Variants in DSG4 observed in about 807,000 individuals in gnomAD.
The protein encoded by DSG4 is desmoglein-4.
A neutral mutation model predicts 93.1 loss-of-function variants in DSG4; 87 were observed. That is an observed-to-expected ratio of 0.93 (90% CI 0.79 to 1.12). The LOEUF is 1.12. Ranked by LOEUF, DSG4 falls within the 50% of genes most tolerant of loss-of-function variation. DSG4 has a pLI of 0.00. For synonymous variants in DSG4, 432 were observed against 452.9 expected, an observed-to-expected ratio of 0.95 and a Z score of 0.59; for missense variants, 1,373 against 1,285.7, an observed-to-expected ratio of 1.07 and a Z score of -1.04.
intron 4 of DSG4, 77 bp downstream of exon 4, chr18:31,388,599 TGG>T: frequency 2.6e-6 from 4 of 1,566,794 alleles, no homozygotes; most frequent in Non-Finnish European, 3.5e-6. Context: ...CTTAAGATAA[TGG>T]ATTACTTTTG....
At chr18:31,390,550 G>C (rs1053185606) in intron 5 of DSG4, 106 bp from the exon 6 acceptor site, 6 of 1,336,652 alleles carry the variant, frequency 4.5e-6, no homozygotes, top group Middle Eastern at 2.5e-4. Context: ...AACTCAAACA[G>C]AGAGAATTCA....
chr18:31,392,447 C>T, intron 8 of DSG4, 107 bp downstream of exon 8: 2 of 1,218,944 alleles, frequency 1.6e-6, no homozygotes, highest in Admixed American at 2.0e-5. Flanking sequence ...TACTTCATAA[C>T]TTTGAATATT....
chr18:31,389,868 G>T (rs1480122552), intron 5 of DSG4, among the ~76,000 whole-genome samples: 1 of 152,090 alleles, frequency 6.6e-6, no homozygotes, highest in Non-Finnish European at 1.5e-5. Flanking sequence ...TTTTGCCTAG[G>T]AGAGCCAACA....
intron 1 of DSG4, among the ~76,000 whole-genome samples, chr18:31,381,060 G>C (rs1447153504): frequency 6.6e-6 from 1 of 152,136 alleles, no homozygotes; most frequent in Non-Finnish European, 1.5e-5. Context: ...GTCGAAACTT[G>C]TCTTGCACAT....
chr18:31,401,721 C>T (rs2072369877), intron 10 of DSG4: 2 of 152,060 alleles, frequency 1.3e-5, no homozygotes, highest in East Asian at 3.9e-4. Flanking sequence ...TAGAACCAAA[C>T]AAGAGACAAA....
intron 8 of DSG4, among the ~76,000 whole-genome samples, chr18:31,393,172 T>C (rs773645770): frequency 3.9e-5 from 6 of 152,302 alleles, no homozygotes; most frequent in Non-Finnish European, 7.4e-5. Context: ...AAACAACACT[T>C]ATAGCCAGGA....
chr18:31,402,934 A>C (rs980519220), intron 10 of DSG4, among the ~76,000 whole-genome samples: 2 of 152,224 alleles, frequency 1.3e-5, no homozygotes, highest in African/African-American at 4.8e-5. Flanking sequence ...AACAGTGAGC[A>C]CACAAGAAAA....
chr18:31,390,954 A>C, intron 6 of DSG4, 124 bp from the exon 7 acceptor site: 1 of 1,504,420 alleles, frequency 6.6e-7, no homozygotes, highest in Non-Finnish European at 9.0e-7. Context: ...TAAAAATTAA[A>C]AGCTCAATTA....
In DSG4 at chr18:31,413,329, C is replaced by A; in HGVS notation, c.2857C>A (p.Pro953Thr). ...TGATATTCAAGGGAATATTTGTGTA[C>A]CTGCTGAGTTAGCAGATTACAACAA... The part of the protein sequence containing the change: ...VYDIQGNICV[P>T]AELADYNNVI... Residue 953 changes from proline (P) to threonine (T), a missense_variant, in exon 16 of 16, where the codon CCT becomes ACT. Coordinates refer to ENST00000308128, the MANE Select transcript of DSG4 (RefSeq NM_177986.5). The A allele has an allele frequency of 6.2e-7, 1 of 1,614,090 alleles. No homozygotes were observed. The highest frequency in any genetic ancestry group is 8.5e-7 in the Non-Finnish European group (1 of 1,180,016).
intron 15 of DSG4, among the ~76,000 whole-genome samples, chr18:31,412,502 A>C (rs2072505502): frequency 6.6e-6 from 1 of 152,230 alleles, no homozygotes; most frequent in Admixed American, 6.5e-5. Context: ...TTTTAAAAGA[A>C]CTAAAATAGA....
chr18:31,391,829 C>G (rs1287152212), intron 7 of DSG4, among the ~76,000 whole-genome samples: 1 of 151,540 alleles, frequency 6.6e-6, no homozygotes, highest in Non-Finnish European at 1.5e-5. Context: ...ACTATTCAGC[C>G]CTTTACAGAA....
Position 31,379,119 on chromosome 18 carries a change from C to G in DSG4, c.48+2160C>G, listed in dbSNP as rs942755388. On this transcript the variant is annotated intron_variant, in intron 1 of 15. Coordinates refer to ENST00000308128, the MANE Select transcript of DSG4 (RefSeq NM_177986.5). Reference sequence around the variant, plus strand: ...ATCACGAGTCATTTGGCATTTTCTTCCTAAGGATGCTTATCATGTTCTTCT... The same window carrying G: ...ATCACGAGTCATTTGGCATTTTCTTGCTAAGGATGCTTATCATGTTCTTCT... Among the ~76,000 whole-genome samples, 3 of 152,176 alleles carry G rather than the reference C, an allele frequency of 2.0e-5. No individual in the cohort carries two copies. The South Asian group carries it at 6.2e-4, about 32-fold the overall frequency.
intron 2 of DSG4, among the ~76,000 whole-genome samples, chr18:31,386,466 C>A (rs143911363): frequency 6.6e-6 from 1 of 152,244 alleles, no homozygotes; most frequent in Non-Finnish European, 1.5e-5. Flanking sequence ...ATTTGTTTCA[C>A]TAGAATCAAA....
chr18:31,382,267 A>G (rs9635916), intron 1 of DSG4: 95,860 of 152,028 alleles, frequency 0.63, 31,483 homozygotes, highest in East Asian at 0.85. Flanking sequence ...GTCAAGCCAC[A>G]TCAGTGGATG....
chr18:31,406,247 A>T lies in DSG4; in HGVS notation c.1807A>T (p.Ile603Phe). ...HMCLDSGAAG[I>F]YTEDITGDTY... ...GTGCCTGGACTCTGGTGCCGCGGGC[A>T]TCTACACAGAGGACATAACTGGTGA... Residue 603 changes from isoleucine (I) to phenylalanine (F), a missense_variant, in exon 12 of 16, where the codon ATC becomes TTC. Coordinates refer to ENST00000308128, the MANE Select transcript of DSG4 (RefSeq NM_177986.5). 1 of 1,614,206 alleles carries T rather than the reference A, an allele frequency of 6.2e-7. No individual in the cohort carries two copies. The highest frequency in any genetic ancestry group is 8.5e-7 in the Non-Finnish European group (1 of 1,180,032).
rs750121324 is a variant in DSG4 at position 31,391,209 on chromosome 18, T to G, written c.816T>G (p.Thr272=). ...VNDNFPTLEK[T]SYSASIEENC... is the part of the protein sequence containing the mutation. ...ATAATTTCCCCACCTTAGAGAAAACTTCAGTAAGTTTGTATTCTTATCTTC... is the reference window on the plus strand; with the variant it reads ...ATAATTTCCCCACCTTAGAGAAAACGTCAGTAAGTTTGTATTCTTATCTTC... The change falls in exon 7 of 16, where the codon ACT becomes ACG. Residue 272 remains threonine (T), a synonymous_variant. Coordinates refer to ENST00000308128, the MANE Select transcript of DSG4 (RefSeq NM_177986.5). 9.9e-6 allele frequency: 16 copies of G among 1,613,386 alleles called. No individual in the cohort carries two copies. Among genetic ancestry groups the G allele is most frequent in the African/African-American group, 4.0e-5 (3 of 74,898 alleles).
intron 8 of DSG4, among the ~76,000 whole-genome samples, chr18:31,396,099 T>C (rs1044270093): frequency 1.3e-5 from 2 of 152,018 alleles, no homozygotes; most frequent in Non-Finnish European, 2.9e-5. Flanking sequence ...TAAGTGTATA[T>C]GAAAACGCAA....
At chr18:31,400,729 T>C (rs2072355644) in intron 9 of DSG4, 152 bp from the exon 10 acceptor site, 7 of 696,906 alleles carry the variant, frequency 1.0e-5, no homozygotes, top group South Asian at 8.5e-5. Flanking sequence ...TGAATTTTTA[T>C]TGATATATAT....
chr18:31,387,456 C>T (rs2072200387), intron 3 of DSG4, among the ~76,000 whole-genome samples: 1 of 152,146 alleles, frequency 6.6e-6, no homozygotes, highest in Non-Finnish European at 1.5e-5. Flanking sequence ...AGTGGTGTTA[C>T]AGATACAACC....
Sources: gnomAD v4.1 joint callset for allele counts (sites outside exome capture counted in the v4.1 genomes callset) on GRCh38, gnomAD v4.1.1 for gene constraint, MANE v1.5 for transcripts, NCBI Gene and HGNC (gene_info 2026-07-23, HGNC 2026-07-21) for gene names.